The following UBE2E2 variants were observed in gnomAD, a reference collection of about 807,000 sequenced individuals.
UBE2E2 encodes the protein ubiquitin conjugating enzyme E2 E2, also known as ubiquitin-conjugating enzyme E2 E2.
UBE2E2 carries 6 observed loss-of-function variants against 24.7 expected under a neutral mutation model. The ratio of observed to expected loss-of-function variants is 0.24; its 90% confidence interval spans 0.13 to 0.48. The LOEUF is 0.48. Ranked by LOEUF, UBE2E2 falls within the 20% of genes least tolerant of loss-of-function variation. The probability of loss-of-function intolerance (pLI) is 0.99; values close to 1 mark genes in which losing one functional copy is unlikely to be tolerated. For missense variants in UBE2E2, 169 were observed against 245.0 expected, an observed-to-expected ratio of 0.69 and a Z score of 2.07; for synonymous variants, 104 against 83.6, an observed-to-expected ratio of 1.24 and a Z score of -1.33.
intron 5 of UBE2E2, among the ~76,000 whole-genome samples, chr3:23,554,010 C>G (rs1370793761): frequency 6.6e-6 from 1 of 152,002 alleles, no homozygotes; most frequent in East Asian, 1.9e-4. Flanking sequence ...CTATCAAAAT[C>G]CCAAGGGCAT....
At chr3:23,283,904 G>A (rs1698546126) in intron 3 of UBE2E2, among the ~76,000 whole-genome samples, 1 of 152,176 alleles carries the variant, frequency 6.6e-6, no homozygotes, top group East Asian at 1.9e-4. Flanking sequence ...CCCTGTCCTT[G>A]ATTCTGATAT....
At chr3:23,318,015 G>A (rs565771240) in intron 3 of UBE2E2, among the ~76,000 whole-genome samples, 1 of 151,864 alleles carries the variant, frequency 6.6e-6, no homozygotes, top group South Asian at 2.1e-4. Flanking sequence ...CTTCTATTTG[G>A]CCATCTTGTT....
intron 3 of UBE2E2, among the ~76,000 whole-genome samples, chr3:23,251,904 C>A (rs1175296841): frequency 6.6e-6 from 1 of 152,168 alleles, no homozygotes; most frequent in African/African-American, 2.4e-5. Flanking sequence ...AAAGCCAGTG[C>A]TGCTAACCTC....
At chr3:23,213,588 T>C (rs1459059554) in intron 2 of UBE2E2, among the ~76,000 whole-genome samples, 1 of 152,244 alleles carries the variant, frequency 6.6e-6, no homozygotes, top group South Asian at 2.1e-4. Flanking sequence ...CATACTAACC[T>C]AAGAGGTGGC....
intron 3 of UBE2E2, among the ~76,000 whole-genome samples, chr3:23,323,096 T>C (rs577875895): frequency 2.0e-5 from 3 of 152,082 alleles, no homozygotes; most frequent in Admixed American, 1.3e-4. Flanking sequence ...TTATTAGGCT[T>C]AAACAAATAA....
At chr3:23,332,549 T>C (rs1695085557) in intron 3 of UBE2E2, among the ~76,000 whole-genome samples, 1 of 152,106 alleles carries the variant, frequency 6.6e-6, no homozygotes, top group Non-Finnish European at 1.5e-5. Flanking sequence ...GTAATAAGAT[T>C]TTGAAGAAAG....
At chr3:23,267,404 C>A (rs1698080553) in intron 3 of UBE2E2, among the ~76,000 whole-genome samples, 1 of 152,162 alleles carries the variant, frequency 6.6e-6, no homozygotes, top group South Asian at 2.1e-4. Flanking sequence ...ATACAGACTA[C>A]CATCAGAGAA....
At chr3:23,354,344 A>G (rs1695868297) in intron 3 of UBE2E2, among the ~76,000 whole-genome samples, 1 of 152,222 alleles carries the variant, frequency 6.6e-6, no homozygotes, top group Non-Finnish European at 1.5e-5. Flanking sequence ...CTTCATGTCT[A>G]AAACACCAAA....
At chr3:23,209,900 C>A (rs1696272476) in intron 2 of UBE2E2, among the ~76,000 whole-genome samples, 2 of 152,032 alleles carry the variant, frequency 1.3e-5, no homozygotes. Flanking sequence ...TATTGCTGAT[C>A]TCTGTTGAAG....
At chr3:23,511,730 T>C (rs1196021970) in intron 4 of UBE2E2, among the ~76,000 whole-genome samples, 7 of 152,172 alleles carry the variant, frequency 4.6e-5, no homozygotes, top group Non-Finnish European at 7.3e-5. Context: ...TCTCACTGTT[T>C]GGGGATTGGA....
At chr3:23,220,240 A>G (rs1461117592) in intron 3 of UBE2E2, among the ~76,000 whole-genome samples, 1 of 152,190 alleles carries the variant, frequency 6.6e-6, no homozygotes, top group Non-Finnish European at 1.5e-5. Context: ...AAATGATTTA[A>G]TAGATTGAAT....
At chr3:23,585,609 G>A (rs926652007) in intron 5 of UBE2E2, among the ~76,000 whole-genome samples, 5 of 152,138 alleles carry the variant, frequency 3.3e-5, no homozygotes, top group Admixed American at 3.3e-4. Context: ...CTTTTCAAAA[G>A]TGTAAATAAT....
chr3:23,404,026 A>G (rs563807318), intron 3 of UBE2E2, among the ~76,000 whole-genome samples: 1 of 152,272 alleles, frequency 6.6e-6, no homozygotes, highest in Admixed American at 6.5e-5. Context: ...AGCCATGAGC[A>G]GGAACTGTAT....
intron 3 of UBE2E2, among the ~76,000 whole-genome samples, chr3:23,347,743 C>T (rs1695605976): frequency 1.3e-5 from 2 of 152,134 alleles, no homozygotes; most frequent in Admixed American, 6.5e-5. Context: ...TTATCAGCTA[C>T]AAAAGGGGAC....
At chr3:23,204,232 G>A (rs1346249133) in intron 1 of UBE2E2, among the ~76,000 whole-genome samples, 1 of 151,500 alleles carries the variant, frequency 6.6e-6, no homozygotes, top group Non-Finnish European at 1.5e-5. Context: ...ATAAAGCGTG[G>A]CTTCTTGTGG....
chr3:23,325,513 A>G (rs1694861155), intron 3 of UBE2E2, among the ~76,000 whole-genome samples: 1 of 152,222 alleles, frequency 6.6e-6, no homozygotes, highest in East Asian at 1.9e-4. Context: ...AACATTAGAT[A>G]TATTTAATGG....
intron 3 of UBE2E2, among the ~76,000 whole-genome samples, chr3:23,479,149 G>C (rs147149343): frequency 1.3e-5 from 2 of 152,270 alleles, no homozygotes; most frequent in African/African-American, 4.8e-5. Context: ...ACTTGGCCTG[G>C]AATCAGCTGT....
chr3:23,227,192 T>C (rs912184727), intron 3 of UBE2E2, among the ~76,000 whole-genome samples: 2 of 152,222 alleles, frequency 1.3e-5, no homozygotes, highest in Non-Finnish European at 2.9e-5. Flanking sequence ...TTATTTAGTT[T>C]GGCTGCCTGG....
chr3:23,265,726 G>A (rs4327331), intron 3 of UBE2E2, among the ~76,000 whole-genome samples: 1 of 151,978 alleles, frequency 6.6e-6, no homozygotes, highest in Admixed American at 6.6e-5. Context: ...TTGGAGGTCT[G>A]TCTAATGTTG....
Sources: allele counts gnomAD v4.1 joint callset (sites outside exome capture counted in the v4.1 genomes callset), GRCh38; gene constraint gnomAD v4.1.1; transcripts MANE v1.5; gene names NCBI Gene and HGNC (gene_info 2026-07-23, HGNC 2026-07-21).